The following TNIK variants were observed in gnomAD, a reference collection of about 807,000 sequenced individuals.
TNIK encodes the protein TRAF2 and NCK interacting kinase.
A neutral mutation model predicts 191.3 loss-of-function variants in TNIK; 49 were observed. The ratio of observed to expected loss-of-function variants is 0.26; its 90% confidence interval spans 0.20 to 0.32. The LOEUF (loss-of-function observed/expected upper bound fraction) is 0.32, where lower values mean the gene tolerates loss of function less well. Ranked by LOEUF, TNIK falls within the 10% of genes least tolerant of loss-of-function variation. TNIK has a pLI of 1.00. For missense variants in TNIK, 1,155 were observed against 1,702.3 expected (o/e 0.68, Z 5.66); for synonymous variants, 594 against 600.9 (o/e 0.99, Z 0.17).
At position 171,077,508 on chromosome 3, in the gene TNIK, G is replaced by A. The variant is rs931178713; in HGVS notation, c.3448+2010C>T. 4.6e-5 allele frequency among the ~76,000 whole-genome samples: 7 copies of A among 152,268 alleles called. No individual in the cohort carries two copies. In the East Asian group the frequency reaches 1.2e-3, roughly 25 times the overall value. ...TTTGGAGACCAGACTAGAACAAAAA[G>A]GCTGAGTCTTCCTGCTTGGTTGAGC... On this transcript the variant is annotated intron_variant, in intron 28 of 32. Coordinates refer to ENST00000436636, the MANE Select transcript of TNIK (RefSeq NM_015028.4).
intron 2 of TNIK, among the ~76,000 whole-genome samples, chr3:171,264,097 CACACACACACACACATATAT>C (rs1366642787): frequency 9.4e-4 from 75 of 80,176 alleles, no homozygotes; most frequent in African/African-American, 3.8e-3. Flanking sequence ...CACACACACA[CACACACACACACACATATAT>C]ATATATATAT....
chr3:171,186,735 T>G (rs113317697), intron 7 of TNIK, among the ~76,000 whole-genome samples: 1 of 152,210 alleles, frequency 6.6e-6, no homozygotes, highest in Non-Finnish European at 1.5e-5. Flanking sequence ...CAGGATACTT[T>G]TATAGCCAGG....
Position 171,117,693 on chromosome 3 carries a change from G to A in TNIK, c.2120+5903C>T, listed in dbSNP as rs576761069. On this transcript the variant is annotated intron_variant, in intron 18 of 32. Coordinates refer to ENST00000436636, the MANE Select transcript of TNIK (RefSeq NM_015028.4). ...ATAGTTAAAAATATGTTCTCTGGCC[G>A]GGCGCGGTGGCTCACACCTGTAATC... Among the ~76,000 whole-genome samples, 6 of 152,244 alleles carry A rather than the reference G, an allele frequency of 3.9e-5. No homozygotes were observed. In the South Asian group the frequency reaches 6.2e-4, roughly 16 times the overall value.
At chr3:171,415,426 C>T (rs1268135139) in intron 1 of TNIK, among the ~76,000 whole-genome samples, 3 of 152,050 alleles carry the variant, frequency 2.0e-5, no homozygotes, top group Non-Finnish European at 4.4e-5. Flanking sequence ...TAGGAAGCTC[C>T]CAATAAGTAC....
At chr3:171,348,862 ATATTT>A (rs1375955728) in intron 2 of TNIK, among the ~76,000 whole-genome samples, 1 of 152,106 alleles carries the variant, frequency 6.6e-6, no homozygotes, top group Non-Finnish European at 1.5e-5. Flanking sequence ...ACAAGGGCAA[ATATTT>A]TAATTTAAAA....
At chr3:171,281,728 C>T (rs1218674285) in intron 2 of TNIK, among the ~76,000 whole-genome samples, 4 of 152,192 alleles carry the variant, frequency 2.6e-5, no homozygotes, top group Non-Finnish European at 5.9e-5. Flanking sequence ...GTCACACAGT[C>T]CCAACCCTGA....
chr3:171,336,612 C>G (rs1222972980), intron 2 of TNIK, among the ~76,000 whole-genome samples: 2 of 152,140 alleles, frequency 1.3e-5, no homozygotes, highest in African/African-American at 4.8e-5. Flanking sequence ...TGGCTTATTT[C>G]CAGATCATGG....
chr3:171,328,417 C>A (rs1375996413), intron 2 of TNIK, among the ~76,000 whole-genome samples: 1 of 152,180 alleles, frequency 6.6e-6, no homozygotes, highest in Admixed American at 6.5e-5. Context: ...GTGGGGCTAC[C>A]ATGAAAAGTC....
chr3:171,280,305 C>A (rs1043885648), intron 2 of TNIK, among the ~76,000 whole-genome samples: 1 of 152,118 alleles, frequency 6.6e-6, no homozygotes, highest in African/African-American at 2.4e-5. Context: ...AATTTTTGAA[C>A]TGGGTGAGAA....
chr3:171,091,804 A>C (rs1010583843), intron 23 of TNIK, among the ~76,000 whole-genome samples: 5 of 152,096 alleles, frequency 3.3e-5, no homozygotes, highest in Non-Finnish European at 7.4e-5. Context: ...CTTTCTCTGG[A>C]GAACCCCAAC....
intron 17 of TNIK, among the ~76,000 whole-genome samples, chr3:171,124,083 C>A (rs1470314186): frequency 2.0e-5 from 3 of 152,174 alleles, no homozygotes; most frequent in Non-Finnish European, 4.4e-5. Flanking sequence ...GTTGCATCAG[C>A]TGAGAGCCAC....
intron 10 of TNIK, among the ~76,000 whole-genome samples, chr3:171,162,873 T>A (rs1170715443): frequency 6.6e-6 from 1 of 152,204 alleles, no homozygotes; most frequent in Non-Finnish European, 1.5e-5. Context: ...TTCCAACATA[T>A]TATATGCTAA....
At chr3:171,432,483 C>T (rs151202520) in intron 1 of TNIK, among the ~76,000 whole-genome samples, 10 of 152,306 alleles carry the variant, frequency 6.6e-5, no homozygotes, top group African/African-American at 2.2e-4. Context: ...AACCCTATAT[C>T]TATGCCTAAA....
intron 2 of TNIK, among the ~76,000 whole-genome samples, chr3:171,304,889 G>A (rs374330648): frequency 2.4e-4 from 37 of 151,936 alleles, no homozygotes; most frequent in African/African-American, 8.9e-4. Context: ...GGATAGCATT[G>A]GGAGATATAC....
At chr3:171,308,660 T>C (rs1290604813) in intron 2 of TNIK, among the ~76,000 whole-genome samples, 1 of 152,036 alleles carries the variant, frequency 6.6e-6, no homozygotes, top group African/African-American at 2.4e-5. Context: ...ACTATGCATC[T>C]CACAAAGGCC....
chr3:171,383,996 A>G (rs781695151), intron 1 of TNIK, among the ~76,000 whole-genome samples: 1 of 152,198 alleles, frequency 6.6e-6, no homozygotes, highest in East Asian at 1.9e-4. Context: ...GGCATCAGCT[A>G]CAGCCTCCAG....
chr3:171,458,686 G>A (rs1729051644), intron 1 of TNIK, among the ~76,000 whole-genome samples: 1 of 152,210 alleles, frequency 6.6e-6, no homozygotes, highest in Admixed American at 6.5e-5. Context: ...ATGGCCCCAA[G>A]ATTCAGCATC....
chr3:171,219,613 T>C (rs774862553), intron 3 of TNIK, among the ~76,000 whole-genome samples: 2 of 152,106 alleles, frequency 1.3e-5, no homozygotes, highest in Non-Finnish European at 1.5e-5. Flanking sequence ...AAAGAAGACA[T>C]TTATGCAACC....
chr3:171,412,298 A>G, intron 1 of TNIK, among the ~76,000 whole-genome samples: 1 of 152,228 alleles, frequency 6.6e-6, no homozygotes, highest in East Asian at 1.9e-4. Flanking sequence ...AGCAGCAGCA[A>G]CGTGGAAACT....
Sources: gnomAD v4.1 joint callset for allele counts (sites outside exome capture counted in the v4.1 genomes callset) on GRCh38, gnomAD v4.1.1 for gene constraint, MANE v1.5 for transcripts, NCBI Gene and HGNC (gene_info 2026-07-23, HGNC 2026-07-21) for gene names.